Variants in KMT2C observed in about 807,000 individuals in gnomAD.
KMT2C encodes histone-lysine N-methyltransferase 2C.
Under a neutral mutation model 507.9 loss-of-function variants are expected in KMT2C, and 88 were observed. The observed-to-expected ratio is 0.17, with a 90% CI of 0.15 to 0.21. The LOEUF (loss-of-function observed/expected upper bound fraction) is 0.21. Among genes scored for constraint, KMT2C ranks in the 10% least tolerant of loss-of-function variants. The probability of loss-of-function intolerance (pLI) is 1.00; values close to 1 mark genes in which losing one functional copy is unlikely to be tolerated. For missense variants in KMT2C, 4,954 were observed against 5,957.8 expected (o/e 0.83, Z 5.55); for synonymous variants, 2,049 against 2,080.8 (o/e 0.98, Z 0.42).
chr7:152,293,425 TA>T, intron 6 of KMT2C, among the ~76,000 whole-genome samples: 1 of 152,344 alleles, frequency 6.6e-6, no homozygotes, highest in East Asian at 1.9e-4. Context: ...ATAAAAACAT[TA>T]CCATGGTTCA....
intron 51 of KMT2C, among the ~76,000 whole-genome samples, 155 bp from the exon 52 acceptor site, chr7:152,149,307 C>A (rs1474451215): frequency 6.6e-6 from 1 of 152,208 alleles, no homozygotes; most frequent in Non-Finnish European, 1.5e-5. Context: ...GGCTCATGCA[C>A]CGCAGAAGCT....
chr7:152,426,687 C>T (rs575062299), intron 1 of KMT2C, among the ~76,000 whole-genome samples: 1 of 152,280 alleles, frequency 6.6e-6, no homozygotes, highest in Admixed American at 6.5e-5. Context: ...CTTAATAGGA[C>T]TTAGTCTATG....
rs374023429 is a variant in KMT2C, at chr7:152,276,181, T to A, written c.850-2314A>T. ...AACGCTTCAAACCCATCTGTTACAA[T>A]TAAATAGCTAATGAAGAGCACTCGG... On this transcript the variant is annotated intron_variant, in intron 6 of 58. Transcript: ENST00000262189. Among the ~76,000 whole-genome samples the A allele has an allele frequency of 3.9e-5, 6 of 152,290 alleles. No homozygotes were observed. In the East Asian group the frequency reaches 1.2e-3, roughly 29 times the overall value.
At chr7:152,298,299 A>G (rs2096534694) in intron 6 of KMT2C, among the ~76,000 whole-genome samples, 1 of 152,112 alleles carries the variant, frequency 6.6e-6, no homozygotes, top group Non-Finnish European at 1.5e-5. Context: ...CGGATCCAAG[A>G]AACTCAGCAA....
At position 152,387,501 on chromosome 7, in the gene KMT2C, C is replaced by T. The variant is rs2097441540; in HGVS notation, c.162-28826G>A. 2.9e-5 allele frequency among the ~76,000 whole-genome samples: 4 copies of T among 137,392 alleles called. No homozygotes were observed. The Admixed American group carries it at 3.1e-4, about 11-fold the overall frequency. The allele number at this position is 137,392 out of a possible 152,430, so 90.1% of individuals were successfully genotyped here. A position where few individuals can be genotyped will look rare whatever the true frequency, so the allele number is the denominator to read the frequency against. ...TTTTTTTTTTTTTGAGACGGAGTCT[C>T]GCTCTGTGGCCCAGGCTGGAGTGCA... On this transcript the variant is annotated intron_variant, in intron 1 of 58. Coordinates refer to ENST00000262189, the MANE Select transcript of KMT2C (RefSeq NM_170606.3).
rs2129112681 is a variant in KMT2C, at chr7:152,176,243, T to C, written c.9210A>G (p.Arg3070=). The change falls in exon 38 of 59, where the codon AGA becomes AGG. Residue 3070 remains arginine, a synonymous_variant. Coordinates refer to ENST00000262189, the MANE Select transcript of KMT2C (RefSeq NM_170606.3). ...GCTGACGAATCATGGCTTGCATCTGTCTTTGCTGCTGCTGTTCTTGCCTTT... is the reference window on the plus strand; with the variant it reads ...GCTGACGAATCATGGCTTGCATCTGCCTTTGCTGCTGCTGTTCTTGCCTTT... ...DQERQEQQQQ[R]QMQAMIRQRS... is the part of the protein sequence containing the mutation. The C allele has an allele frequency of 1.2e-6, 2 of 1,613,814 alleles. No individual in the cohort carries two copies. The highest frequency in any genetic ancestry group is 2.2e-5 in the South Asian group (2 of 91,022).
chr7:152,331,396 T>C (rs116737669), intron 2 of KMT2C, among the ~76,000 whole-genome samples: 4 of 151,954 alleles, frequency 2.6e-5, no homozygotes, highest in African/African-American at 7.2e-5. Context: ...GGCAGGCATA[T>C]TGCTTGAGCC....
chr7:152,200,876 T>C (rs563973874), intron 26 of KMT2C, among the ~76,000 whole-genome samples: 1 of 152,294 alleles, frequency 6.6e-6, no homozygotes. Flanking sequence ...GTGGAGGCAA[T>C]GATATATCTG....
At position 152,182,279 on chromosome 7, in the gene KMT2C, G is replaced by A. The variant is rs765915364; in HGVS notation, c.5581C>T (p.Arg1861Trp). 2.4e-5 allele frequency: 38 copies of A among 1,614,028 alleles called. 2 individuals carry two copies. Among genetic ancestry groups the A allele is most frequent in the South Asian group, 1.9e-4 (17 of 91,074 alleles). ...QAPPPPPAPS[R>W]IPIQDSLSQA... ...GAAAGACTATCCTGGATGGGAATCCGGGATGGGGCTGGAGGAGGAGGTGGA... is the reference window on the plus strand; with the variant it reads ...GAAAGACTATCCTGGATGGGAATCCAGGATGGGGCTGGAGGAGGAGGTGGA... The change falls in exon 36 of 59, where the codon CGG (arginine) becomes TGG (tryptophan). Residue 1861 changes from arginine to tryptophan, a missense_variant. By Grantham distance (101) the Arg-to-Trp change is moderately radical (BLOSUM62 -3). This residue lies in a region of KMT2C where 1,689 missense variants were observed against 1,654.3 expected (regional missense o/e 1.02). Coordinates refer to ENST00000262189, the MANE Select transcript of KMT2C (RefSeq NM_170606.3).
chr7:152,207,323 C>T lies in KMT2C; in HGVS notation c.3818G>A (p.Arg1273Lys), dbSNP rs1291477662. The part of the protein sequence containing the change: ...GVEGTDGVKK[R>K]KRKPYRPGIG... The stretch of plus-strand genomic sequence containing the variant: ...ACCTGGTCTGTATGGTTTCCTTTTT[C>T]TCTTTTTGACACCATCTGTTCCTTC... Residue 1273 changes from arginine (R) to lysine (K), a missense_variant, in exon 24 of 59, where the codon AGA becomes AAA. Physicochemically the swap from Arg to Lys is conservative, Grantham distance 26. Coordinates refer to ENST00000262189, the MANE Select transcript of KMT2C (RefSeq NM_170606.3). 21 of 1,600,466 alleles carry T rather than the reference C, an allele frequency of 1.3e-5. No individual in the cohort carries two copies. The highest frequency in any genetic ancestry group is 1.8e-5 in the Non-Finnish European group (21 of 1,175,016).
chr7:152,237,547 G>T (rs543829858), intron 15 of KMT2C, among the ~76,000 whole-genome samples: 1 of 152,170 alleles, frequency 6.6e-6, no homozygotes, highest in African/African-American at 2.4e-5. Context: ...GCCCAGGCTG[G>T]AGTGCAATGG....
chr7:152,172,032 T>C (rs1203258139), intron 39 of KMT2C, among the ~76,000 whole-genome samples: 1 of 152,270 alleles, frequency 6.6e-6, no homozygotes, highest in Non-Finnish European at 1.5e-5. Context: ...TCAAATGCTT[T>C]AACGTATCAA....
At position 152,151,688 on chromosome 7, in the gene KMT2C, A is replaced by G. The variant is rs1181419129; in HGVS notation, c.12527-107T>C. The G allele has an allele frequency of 5.2e-6, 4 of 767,102 alleles. No homozygotes were observed. In the African/African-American group the frequency reaches 5.4e-5, roughly 10 times the overall value. 47.5% of individuals were successfully genotyped at this position (767,102 alleles called of 1,614,324 possible). On this transcript the variant is annotated intron_variant, in intron 49 of 58. Coordinates refer to ENST00000262189, the MANE Select transcript of KMT2C (RefSeq NM_170606.3). ...ACTCATTACAACATGGTTCATTAAC[A>G]TTATTCTTTAATTAATAAAAAAAAT...
intron 37 of KMT2C, 85 bp from the exon 38 acceptor site, chr7:152,178,095 T>C (rs555481738): frequency 2.8e-5 from 36 of 1,277,726 alleles, no homozygotes; most frequent in Non-Finnish European, 3.5e-5. Context: ...AGAAAAGTCT[T>C]CAATTAAACT....
At chr7:152,356,296 C>T (rs912959254) in intron 2 of KMT2C, among the ~76,000 whole-genome samples, 1 of 152,036 alleles carries the variant, frequency 6.6e-6, no homozygotes, top group Admixed American at 6.5e-5. Context: ...ATCAAAGGGC[C>T]GGGCATAGTG....
At chr7:152,187,573 A>G in intron 32 of KMT2C, 97 bp from the exon 33 acceptor site, 1 of 1,421,918 alleles carries the variant, frequency 7.0e-7, no homozygotes, top group South Asian at 1.3e-5. Context: ...CAAAACAGTT[A>G]AAAGTAACAT....
chr7:152,421,717 G>A (rs2097778281), intron 1 of KMT2C, among the ~76,000 whole-genome samples: 2 of 152,190 alleles, frequency 1.3e-5, no homozygotes, highest in Admixed American at 1.3e-4. Context: ...GGGACCAAGA[G>A]ACACCAAGGC....
intron 9 of KMT2C, among the ~76,000 whole-genome samples, chr7:152,259,450 A>ACACGCGCGCG (rs1239524212): frequency 1.2e-4 from 11 of 91,160 alleles, no homozygotes; most frequent in African/African-American, 5.4e-4. Flanking sequence ...ACACGCGCAC[A>ACACGCGCGCG]CACACACACA....
intron 2 of KMT2C, among the ~76,000 whole-genome samples, chr7:152,337,780 C>T (rs1188510978): frequency 6.6e-6 from 1 of 151,572 alleles, no homozygotes; most frequent in Non-Finnish European, 1.5e-5. Flanking sequence ...GATGTAGCTG[C>T]TATTCTGATG....
Sources: allele counts gnomAD v4.1 joint callset (sites outside exome capture counted in the v4.1 genomes callset), GRCh38; gene constraint gnomAD v4.1.1; regional missense constraint gnomAD v4.1.1; transcripts MANE v1.5; gene names NCBI Gene and HGNC (gene_info 2026-07-23, HGNC 2026-07-21).